Variants in SUCLG2 observed in about 807,000 individuals in gnomAD.
SUCLG2 encodes the protein succinate-CoA ligase GDP-forming subunit beta, also known as succinate--CoA ligase [GDP-forming] subunit beta, mitochondrial.
SUCLG2 carries 42 observed loss-of-function variants against 47.9 expected under a neutral mutation model. The ratio of observed to expected loss-of-function variants is 0.88; its 90% confidence interval spans 0.69 to 1.14. The LOEUF (loss-of-function observed/expected upper bound fraction) is 1.14, where lower values mean the gene tolerates loss of function less well. SUCLG2 is among the 50% of genes most tolerant of loss of function. The probability of loss-of-function intolerance (pLI) is 0.00; values close to 1 mark genes in which losing one functional copy is unlikely to be tolerated. For missense variants in SUCLG2, 571 were observed against 525.9 expected (o/e 1.09, Z -0.84); for synonymous variants, 195 against 197.3 (o/e 0.99, Z 0.10).
At chr3:67,554,440 T>C (rs1707102728) in intron 2 of SUCLG2, among the ~76,000 whole-genome samples, 1 of 152,138 alleles carries the variant, frequency 6.6e-6, no homozygotes, top group Admixed American at 6.5e-5. Flanking sequence ...TTCTATAAAT[T>C]GTGTCACTTG....
intron 2 of SUCLG2, among the ~76,000 whole-genome samples, chr3:67,608,155 G>T (rs1290255727): frequency 1.3e-5 from 2 of 152,200 alleles, no homozygotes; most frequent in African/African-American, 4.8e-5. Flanking sequence ...TGACTTTAAA[G>T]TCATGCCCTT....
Position 67,473,919 on chromosome 3 carries a change from G to A in SUCLG2, c.1062+21879C>T, listed in dbSNP as rs766397029. 2.3e-3 allele frequency among the ~76,000 whole-genome samples: 343 copies of A among 152,190 alleles called. 4 individuals are homozygous for A. The highest frequency in any genetic ancestry group is 2.9e-3 in the Non-Finnish European group (197 of 68,000). ...GCTGTTATCCTTAGTGATGGAAAAC[G>A]GGTACAAGGTCAACATCATCTTCTT... On this transcript the variant is annotated intron_variant, in intron 9 of 10. Transcript: ENST00000307227.
intron 1 of SUCLG2, among the ~76,000 whole-genome samples, chr3:67,621,158 T>C (rs1700729743): frequency 6.6e-6 from 1 of 152,156 alleles, no homozygotes; most frequent in Non-Finnish European, 1.5e-5. Flanking sequence ...TTAATAGGCA[T>C]GGCTGTGTTC....
At chr3:67,512,160 G>A (rs1403646973) in intron 6 of SUCLG2, among the ~76,000 whole-genome samples, 5 of 151,074 alleles carry the variant, frequency 3.3e-5, no homozygotes, top group Admixed American at 6.6e-5. Flanking sequence ...TTGCCACATG[G>A]AAATTTCACA....
intron 9 of SUCLG2, among the ~76,000 whole-genome samples, chr3:67,425,727 CTTGGCCTTCA>C (rs1366917413): frequency 2.0e-5 from 3 of 152,208 alleles, no homozygotes; most frequent in Non-Finnish European, 4.4e-5. Context: ...TGTGGGATTC[CTTGGCCTTCA>C]TGACTGTATG....
At chr3:67,643,078 A>G (rs1701130080) in intron 1 of SUCLG2, among the ~76,000 whole-genome samples, 1 of 152,204 alleles carries the variant, frequency 6.6e-6, no homozygotes, top group South Asian at 2.1e-4. Flanking sequence ...AAATGAATGA[A>G]TGTAAATGAT....
At chr3:67,453,983 T>C (rs1226781280) in intron 9 of SUCLG2, among the ~76,000 whole-genome samples, 1 of 152,226 alleles carries the variant, frequency 6.6e-6, no homozygotes, top group Non-Finnish European at 1.5e-5. Flanking sequence ...ATGGCTTAAA[T>C]ATTCCATTAC....
At chr3:67,599,554 T>G (rs1708369645) in intron 2 of SUCLG2, among the ~76,000 whole-genome samples, 1 of 152,128 alleles carries the variant, frequency 6.6e-6, no homozygotes, top group South Asian at 2.1e-4. Context: ...TGTAAAGTTG[T>G]TTTTCAGTGC....
intron 9 of SUCLG2, among the ~76,000 whole-genome samples, chr3:67,426,802 C>T (rs1030825716): frequency 6.6e-6 from 1 of 152,032 alleles, no homozygotes; most frequent in Non-Finnish European, 1.5e-5. Context: ...GTGGTTCGCG[C>T]CTGTAGTCCC....
intron 9 of SUCLG2, among the ~76,000 whole-genome samples, chr3:67,438,226 A>T (rs1703671129): frequency 1.3e-5 from 2 of 152,244 alleles, no homozygotes; most frequent in East Asian, 3.8e-4. Flanking sequence ...GACACAGCTA[A>T]GGAAGTGTTT....
At chr3:67,376,011 T>C (rs1436251274) in intron 10 of SUCLG2, 152 bp from the exon 11 acceptor site, 5 of 1,390,572 alleles carry the variant, frequency 3.6e-6, no homozygotes, top group Admixed American at 6.3e-5. Context: ...ACAGAAAAGA[T>C]TATGTGATGA....
intron 2 of SUCLG2, among the ~76,000 whole-genome samples, chr3:67,601,897 G>A (rs1346026247): frequency 2.0e-5 from 3 of 151,986 alleles, no homozygotes; most frequent in Admixed American, 6.6e-5. Flanking sequence ...CATGAGAACC[G>A]CCTGAACCTG....
intron 9 of SUCLG2, among the ~76,000 whole-genome samples, chr3:67,480,975 G>A (rs1308758704): frequency 6.6e-6 from 1 of 152,078 alleles, no homozygotes; most frequent in East Asian, 1.9e-4. Context: ...CAGCCCATAA[G>A]GAAGTTCACT....
At chr3:67,362,910 C>T (rs1701825341) in intron 10 of SUCLG2, among the ~76,000 whole-genome samples, 1 of 152,146 alleles carries the variant, frequency 6.6e-6, no homozygotes, top group African/African-American at 2.4e-5. Context: ...AGATAACCTC[C>T]GTGGTGTAAT....
chr3:67,509,616 G>C (rs72923184), intron 6 of SUCLG2, among the ~76,000 whole-genome samples: 4,673 of 152,226 alleles, frequency 0.031, 245 homozygotes, highest in African/African-American at 0.11. Context: ...CTGGTATCTT[G>C]TGAGCTGGCG....
At chr3:67,520,914 A>C (rs1706083985) in intron 4 of SUCLG2, among the ~76,000 whole-genome samples, 1 of 152,132 alleles carries the variant, frequency 6.6e-6, no homozygotes, top group South Asian at 2.1e-4. Context: ...TTCCTCAAGA[A>C]ACTGTGTCAC....
chr3:67,433,307 T>G (rs551704172), intron 9 of SUCLG2, among the ~76,000 whole-genome samples: 11 of 152,342 alleles, frequency 7.2e-5, no homozygotes, highest in African/African-American at 2.6e-4. Flanking sequence ...GCTGGAATGT[T>G]ACTTCAAGCT....
At chr3:67,391,152 C>A (rs1367757328) in intron 10 of SUCLG2, among the ~76,000 whole-genome samples, 1 of 152,128 alleles carries the variant, frequency 6.6e-6, no homozygotes, top group Non-Finnish European at 1.5e-5. Context: ...ACAATTATCC[C>A]ACCCCCTTCA....
At chr3:67,363,666 A>G (rs546537303) in intron 10 of SUCLG2, among the ~76,000 whole-genome samples, 2 of 152,312 alleles carry the variant, frequency 1.3e-5, no homozygotes, top group Admixed American at 6.5e-5. Flanking sequence ...TTCATCTTTT[A>G]CAATTTTACA....
Sources: allele counts gnomAD v4.1 joint callset (sites outside exome capture counted in the v4.1 genomes callset), GRCh38; gene constraint gnomAD v4.1.1; transcripts MANE v1.5; gene names NCBI Gene and HGNC (gene_info 2026-07-23, HGNC 2026-07-21).